Variants in OLFM2 observed in about 807,000 individuals in gnomAD.
OLFM2 encodes the protein noelin-2.
In OLFM2, 20 loss-of-function variants were observed where a neutral mutation model predicts 43.9. That is an observed-to-expected ratio of 0.46 (90% CI 0.32 to 0.66). The LOEUF (loss-of-function observed/expected upper bound fraction) is 0.66. OLFM2 is among the 30% of genes least tolerant of loss of function. The pLI, the probability that OLFM2 is intolerant of heterozygous loss-of-function variation, is 0.04. For missense variants in OLFM2, 416 were observed against 643.6 expected, an observed-to-expected ratio of 0.65 and a Z score of 3.83; for synonymous variants, 268 against 278.6, an observed-to-expected ratio of 0.96 and a Z score of 0.38.
At chr19:9,912,933 TAGAA>T (rs773544132) in intron 1 of OLFM2, among the ~76,000 whole-genome samples, 2 of 150,056 alleles carry the variant, frequency 1.3e-5, no homozygotes, top group Non-Finnish European at 3.0e-5. Flanking sequence ...GAAATATTAA[TAGAA>T]AGAGACCCAG....
chr19:9,879,665 T>C (rs1161654089), intron 1 of OLFM2, among the ~76,000 whole-genome samples: 1 of 147,456 alleles, frequency 6.8e-6, no homozygotes, highest in Non-Finnish European at 1.5e-5. Context: ...GAGAACGAAC[T>C]AATACACTGG....
chr19:9,869,746 C>T (rs1225936292), intron 1 of OLFM2, among the ~76,000 whole-genome samples: 1 of 152,148 alleles, frequency 6.6e-6, no homozygotes. Context: ...GCTTCCTGAG[C>T]ATCTGGGACT....
At chr19:9,917,114 C>T (rs1447394637) in intron 1 of OLFM2, among the ~76,000 whole-genome samples, 1 of 152,154 alleles carries the variant, frequency 6.6e-6, no homozygotes, top group African/African-American at 2.4e-5. Context: ...GACCTTTGAA[C>T]TTCCTGTTCC....
intron 1 of OLFM2, among the ~76,000 whole-genome samples, chr19:9,912,620 G>C (rs1159778927): frequency 1.3e-5 from 2 of 151,936 alleles, no homozygotes; most frequent in Non-Finnish European, 2.9e-5. Context: ...GGACACCACG[G>C]GGAGAACCCC....
chr19:9,902,324 A>G (rs2046747679), intron 1 of OLFM2, among the ~76,000 whole-genome samples: 2 of 151,010 alleles, frequency 1.3e-5, no homozygotes, highest in East Asian at 2.0e-4. Flanking sequence ...CACTGCGCCC[A>G]GCCGACTCTA....
At chr19:9,905,097 G>A (rs1299189368) in intron 1 of OLFM2, among the ~76,000 whole-genome samples, 5 of 151,876 alleles carry the variant, frequency 3.3e-5, no homozygotes, top group Non-Finnish European at 5.9e-5. Context: ...CAAGGCGGGT[G>A]GACTGCCTGA....
intron 1 of OLFM2, among the ~76,000 whole-genome samples, chr19:9,931,862 C>A (rs1040881199): frequency 6.6e-6 from 1 of 152,150 alleles, no homozygotes; most frequent in African/African-American, 2.4e-5. Flanking sequence ...AGCCATCACA[C>A]CTGGCCTGAA....
At chr19:9,900,844 T>C (rs1196386720) in intron 1 of OLFM2, among the ~76,000 whole-genome samples, 2 of 147,812 alleles carry the variant, frequency 1.4e-5, no homozygotes, top group Non-Finnish European at 3.0e-5. Flanking sequence ...TGAGCTATGA[T>C]TGCAGCACTG....
intron 2 of OLFM2, among the ~76,000 whole-genome samples, chr19:9,859,805 C>G (rs111379668): frequency 6.6e-5 from 10 of 152,256 alleles, no homozygotes; most frequent in Non-Finnish European, 1.5e-4. Context: ...TCCTTCCTTC[C>G]CCCCACCCCA....
intron 1 of OLFM2, 129 bp from the exon 2 acceptor site, chr19:9,860,923 G>T: frequency 1.1e-6 from 1 of 925,334 alleles, no homozygotes. Flanking sequence ...GCCAGTGCCT[G>T]TTGTGTGTGA....
chr19:9,885,355 A>G (rs1316590335), intron 1 of OLFM2, among the ~76,000 whole-genome samples: 1 of 152,102 alleles, frequency 6.6e-6, no homozygotes, highest in Non-Finnish European at 1.5e-5. Context: ...ATCCCAAGAG[A>G]GCTGAGAACA....
At chr19:9,910,881 A>G (rs1256841572) in intron 1 of OLFM2, among the ~76,000 whole-genome samples, 1 of 152,162 alleles carries the variant, frequency 6.6e-6, no homozygotes, top group African/African-American at 2.4e-5. Flanking sequence ...GAGTGAATGG[A>G]TGGAGAGAAA....
At chr19:9,887,883 A>G (rs1225429607) in intron 1 of OLFM2, among the ~76,000 whole-genome samples, 1 of 152,144 alleles carries the variant, frequency 6.6e-6, no homozygotes, top group Non-Finnish European at 1.5e-5. Context: ...AAATTAAAAA[A>G]TAAGCCGGAA....
rs1396179326 is a variant in OLFM2 at position 9,888,907 on chromosome 19, ATG to A, written c.64-28115_64-28114del. ...CGGTGAAACCCCGTCTCTACTAAAA[ATG>A]TAAAAAATTAGCCGGGCATGGTGGC... On this transcript the variant is annotated intron_variant, in intron 1 of 5. Transcript: ENST00000264833. Among the ~76,000 whole-genome samples, 3 of 151,930 alleles carry A rather than the reference ATG, an allele frequency of 2.0e-5. No individual in the cohort carries two copies. In the East Asian group the frequency reaches 5.8e-4, roughly 30 times the overall value.
chr19:9,863,889 C>A (rs1238107635), intron 1 of OLFM2, among the ~76,000 whole-genome samples: 1 of 152,248 alleles, frequency 6.6e-6, no homozygotes, highest in South Asian at 2.1e-4. Flanking sequence ...ATTCTTCGAG[C>A]CTTTGTACAC....
intron 1 of OLFM2, among the ~76,000 whole-genome samples, chr19:9,931,720 A>T (rs189871216): frequency 2.6e-5 from 4 of 151,672 alleles, no homozygotes; most frequent in East Asian, 1.9e-4. Flanking sequence ...AAAATAAAAA[A>T]AAAAAAAGAA....
At chr19:9,925,952 T>C (rs2086449832) in intron 1 of OLFM2, among the ~76,000 whole-genome samples, 1 of 150,910 alleles carries the variant, frequency 6.6e-6, no homozygotes, top group South Asian at 2.1e-4. Context: ...TTGAGCAAGA[T>C]GACAAGACCC....
At chr19:9,882,820 G>T (rs561107938) in intron 1 of OLFM2, among the ~76,000 whole-genome samples, 1 of 151,792 alleles carries the variant, frequency 6.6e-6, no homozygotes, top group East Asian at 1.9e-4. Context: ...TGAGGTGGGA[G>T]GATTGTTTGA....
chr19:9,858,014 A>G (rs969570377), intron 2 of OLFM2, 153 bp from the exon 3 acceptor site: 51 of 905,232 alleles, frequency 5.6e-5, no homozygotes, highest in Admixed American at 3.8e-4. Flanking sequence ...CAGCCTCCCA[A>G]TTGCGTGCCC....
Sources: gnomAD v4.1 joint callset for allele counts (sites outside exome capture counted in the v4.1 genomes callset) on GRCh38, gnomAD v4.1.1 for gene constraint, MANE v1.5 for transcripts, NCBI Gene and HGNC (gene_info 2026-07-23, HGNC 2026-07-21) for gene names.